Variants in VPS13B observed in about 807,000 individuals in gnomAD.
VPS13B encodes the protein vacuolar protein sorting 13 homolog B.
Under a neutral mutation model 426.4 loss-of-function variants are expected in VPS13B, and 285 were observed. That is an observed-to-expected ratio of 0.67 (90% CI 0.61 to 0.74). The LOEUF is 0.74. VPS13B is among the 30% of genes least tolerant of loss of function. The pLI is 0.00. For synonymous variants in VPS13B, 1,676 were observed against 1,676.4 expected, an observed-to-expected ratio of 1.00 and a Z score of 0.01; for missense variants, 4,537 against 4,782.6, an observed-to-expected ratio of 0.95 and a Z score of 1.51.
chr8:99,703,827 G>T, intron 36 of VPS13B, among the ~76,000 whole-genome samples: 1 of 151,972 alleles, frequency 6.6e-6, no homozygotes, highest in East Asian at 1.9e-4. Context: ...CTGTTTGGGC[G>T]GCACTCCTTA....
intron 3 of VPS13B, among the ~76,000 whole-genome samples, chr8:99,085,710 G>A (rs1845741287): frequency 6.6e-6 from 1 of 152,104 alleles, no homozygotes; most frequent in African/African-American, 2.4e-5. Flanking sequence ...CACTTGTCAA[G>A]CTTAATTTGG....
intron 16 of VPS13B, among the ~76,000 whole-genome samples, chr8:99,191,183 A>G (rs995021247): frequency 1.3e-5 from 2 of 151,722 alleles, no homozygotes; most frequent in Non-Finnish European, 2.9e-5. Context: ...GTTTCTTTAC[A>G]TGTGATGTGT....
At chr8:99,626,850 C>T (rs1828635772) in intron 33 of VPS13B, among the ~76,000 whole-genome samples, 1 of 152,126 alleles carries the variant, frequency 6.6e-6, no homozygotes, top group African/African-American at 2.4e-5. Context: ...GCATTATTCA[C>T]AATAGCTAGG....
chr8:99,828,686 A>G (rs1588756520), intron 51 of VPS13B, among the ~76,000 whole-genome samples: 1 of 151,956 alleles, frequency 6.6e-6, no homozygotes, highest in African/African-American at 2.4e-5. Context: ...CAGTTTTTTC[A>G]TAGTGTTAAT....
intron 15 of VPS13B, among the ~76,000 whole-genome samples, chr8:99,163,748 C>G (rs535044742): frequency 1.3e-5 from 2 of 151,808 alleles, no homozygotes; most frequent in Admixed American, 1.3e-4. Context: ...CTGCAAGCGC[C>G]GCACACAGCC....
intron 42 of VPS13B, among the ~76,000 whole-genome samples, chr8:99,779,538 TAAAAA>T (rs1811909283): frequency 6.6e-6 from 1 of 152,190 alleles, no homozygotes; most frequent in South Asian, 2.1e-4. Flanking sequence ...TTTGATTCAC[TAAAAA>T]GTACTAGATA....
chr8:99,339,778 A>C (rs1487161964), intron 19 of VPS13B, among the ~76,000 whole-genome samples: 6 of 152,210 alleles, frequency 3.9e-5, no homozygotes, highest in Non-Finnish European at 2.9e-5. Context: ...TTTCACTGTT[A>C]GAAGCAAATG....
chr8:99,756,524 ACTC>A (rs1248411403), intron 39 of VPS13B, among the ~76,000 whole-genome samples: 4 of 152,186 alleles, frequency 2.6e-5, no homozygotes, highest in Non-Finnish European at 5.9e-5. Flanking sequence ...CCTTAAATAA[ACTC>A]AAAGATATCC....
chr8:99,064,748 A>G lies in VPS13B; in HGVS notation c.291+26182A>G, dbSNP rs191076465. Among the ~76,000 whole-genome samples the G allele has an allele frequency of 2.7e-3, 417 of 152,330 alleles. 6 individuals carry two copies. The highest frequency in any genetic ancestry group is 0.019 in the South Asian group (93 of 4,822). On this transcript the variant is annotated intron_variant, in intron 3 of 61. Coordinates refer to ENST00000357162, the MANE Select transcript of VPS13B (RefSeq NM_152564.5). ...GCAGGCCAACATTCAAATTCAGGAAATATAGAGAACACCACAAAGATACTC... is the reference window on the plus strand; with the variant it reads ...GCAGGCCAACATTCAAATTCAGGAAGTATAGAGAACACCACAAAGATACTC...
At chr8:99,107,041 C>T (rs572142771) in intron 5 of VPS13B, among the ~76,000 whole-genome samples, 1 of 152,112 alleles carries the variant, frequency 6.6e-6, no homozygotes, top group Non-Finnish European at 1.5e-5. Context: ...GGGTATATGC[C>T]TAGGAGTGAA....
chr8:99,616,406 G>A (rs1828088371), intron 33 of VPS13B, among the ~76,000 whole-genome samples: 1 of 152,176 alleles, frequency 6.6e-6, no homozygotes, highest in Non-Finnish European at 1.5e-5. Context: ...TGCCTATAGG[G>A]GTGAAGGAGA....
At chr8:99,151,792 C>T (rs1179723501) in intron 14 of VPS13B, among the ~76,000 whole-genome samples, 2 of 152,090 alleles carry the variant, frequency 1.3e-5, no homozygotes, top group Non-Finnish European at 2.9e-5. Flanking sequence ...CTTGGCCTCC[C>T]GAAGTACTGG....
intron 31 of VPS13B, among the ~76,000 whole-genome samples, chr8:99,562,231 T>G (rs1824961864): frequency 6.6e-6 from 1 of 152,146 alleles, no homozygotes; most frequent in Non-Finnish European, 1.5e-5. Flanking sequence ...TGTTGGCTGT[T>G]TGTGTATTTT....
At chr8:99,720,073 C>T (rs148002359) in intron 37 of VPS13B, among the ~76,000 whole-genome samples, 1 of 152,200 alleles carries the variant, frequency 6.6e-6, no homozygotes, top group East Asian at 1.9e-4. Flanking sequence ...AATTCATAAA[C>T]ATTACTTCAC....
intron 2 of VPS13B, among the ~76,000 whole-genome samples, chr8:99,028,248 G>A (rs1293475377): frequency 2.0e-5 from 3 of 151,826 alleles, no homozygotes; most frequent in Non-Finnish European, 2.9e-5. Context: ...AGACGGGGTC[G>A]TGGCCGGGCA....
chr8:99,754,226 G>A (rs1421698082), intron 39 of VPS13B, among the ~76,000 whole-genome samples: 3 of 151,138 alleles, frequency 2.0e-5, no homozygotes, highest in Non-Finnish European at 4.4e-5. Context: ...GAGATTGCAA[G>A]CACATTCATC....
rs1814274276 is a variant in VPS13B at position 99,820,016 on chromosome 8, G to A, written c.8888G>A (p.Trp2963Ter). 2 of 1,613,952 alleles carry A rather than the reference G, an allele frequency of 1.2e-6. No individual in the cohort carries two copies. The highest frequency in any genetic ancestry group is 1.7e-6 in the Non-Finnish European group (2 of 1,179,904). The change falls in exon 49 of 62, where the codon TGG becomes TAG. Residue 2963 changes from tryptophan to a stop codon, truncating the protein, a stop_gained. Coordinates refer to ENST00000357162, the MANE Select transcript of VPS13B (RefSeq NM_152564.5). LOFTEE classifies it high-confidence loss of function. The stretch of plus-strand genomic sequence containing the variant: ...ACTTTGTTGATAGAACTTCTGCCCT[G>A]GGCCCTGCTTATCAATGAATCCAAA... Reference protein sequence around the residue: ...VRTLLIELLPWALLINESKWD... With the variant: ...VRTLLIELLP
At chr8:99,809,325 G>T (rs532969580) in intron 43 of VPS13B, 50 bp from the exon 44 acceptor site, 2 of 1,612,218 alleles carry the variant, frequency 1.2e-6, no homozygotes, top group East Asian at 4.5e-5. Flanking sequence ...TTAGGACTAG[G>T]TTTTTGTTGG....
intron 40 of VPS13B, among the ~76,000 whole-genome samples, chr8:99,773,468 C>A (rs961135023): frequency 6.6e-6 from 1 of 152,152 alleles, no homozygotes; most frequent in Non-Finnish European, 1.5e-5. Context: ...AAGATAGGAT[C>A]AGTCTACATC....
Sources: allele counts gnomAD v4.1 joint callset (sites outside exome capture counted in the v4.1 genomes callset), GRCh38; gene constraint gnomAD v4.1.1; transcripts MANE v1.5; gene names NCBI Gene and HGNC (gene_info 2026-07-23, HGNC 2026-07-21).